Variants in CHCHD3 observed in about 807,000 individuals in gnomAD.
CHCHD3 encodes MICOS complex subunit MIC19.
In CHCHD3, 20 loss-of-function variants were observed where a neutral mutation model predicts 38.2. The ratio of observed to expected loss-of-function variants is 0.52; its 90% confidence interval spans 0.37 to 0.76. The LOEUF is 0.76. Among genes scored for constraint, CHCHD3 ranks in the 30% least tolerant of loss-of-function variants. The pLI is 0.00. For synonymous variants in CHCHD3, 82 were observed against 100.0 expected (o/e 0.82, Z 1.07); for missense variants, 245 against 279.2 (o/e 0.88, Z 0.87).
intron 6 of CHCHD3, among the ~76,000 whole-genome samples, chr7:132,836,639 T>C (rs1807789607): frequency 6.6e-6 from 1 of 151,958 alleles, no homozygotes. Context: ...ACTGGCTAAT[T>C]TTTAAGTTGT....
intron 3 of CHCHD3, among the ~76,000 whole-genome samples, chr7:133,017,461 G>A (rs1450451148): frequency 6.6e-6 from 1 of 152,178 alleles, no homozygotes; most frequent in Non-Finnish European, 1.5e-5. Flanking sequence ...AAGTAATGGA[G>A]ACACTTCGAC....
chr7:132,909,368 G>C (rs1809883952), intron 4 of CHCHD3, among the ~76,000 whole-genome samples: 1 of 152,108 alleles, frequency 6.6e-6, no homozygotes, highest in Non-Finnish European at 1.5e-5. Flanking sequence ...GTGCGCATCT[G>C]TCGTCCCAGC....
intron 2 of CHCHD3, among the ~76,000 whole-genome samples, chr7:133,064,670 G>A (rs1048806717): frequency 6.6e-6 from 1 of 152,208 alleles, no homozygotes; most frequent in Admixed American, 6.5e-5. Context: ...TGTTAAGGCT[G>A]CCAAATACTT....
At chr7:132,955,657 C>T (rs1008715987) in intron 4 of CHCHD3, among the ~76,000 whole-genome samples, 9 of 151,712 alleles carry the variant, frequency 5.9e-5, no homozygotes, top group South Asian at 4.2e-4. Flanking sequence ...CTTGTTAAGA[C>T]GGCAGAGCAG....
chr7:133,045,803 T>C (rs952917893), intron 2 of CHCHD3, among the ~76,000 whole-genome samples: 1 of 152,102 alleles, frequency 6.6e-6, no homozygotes, highest in African/African-American at 2.4e-5. Context: ...GCAATTCTTA[T>C]AGTGAGTTCT....
chr7:132,949,752 C>T (rs10278995), intron 4 of CHCHD3, among the ~76,000 whole-genome samples: 9,990 of 152,040 alleles, frequency 0.066, 831 homozygotes, highest in African/African-American at 0.2. Flanking sequence ...TTATTTGCTT[C>T]CTAATCACCA....
At chr7:132,920,653 G>A (rs1810237649) in intron 4 of CHCHD3, among the ~76,000 whole-genome samples, 1 of 152,170 alleles carries the variant, frequency 6.6e-6, no homozygotes, top group African/African-American at 2.4e-5. Context: ...ATGCTTTTGT[G>A]TGTTTTAGAA....
intron 5 of CHCHD3, among the ~76,000 whole-genome samples, chr7:132,843,370 C>G (rs1320589629): frequency 6.6e-6 from 1 of 152,126 alleles, no homozygotes; most frequent in Non-Finnish European, 1.5e-5. Context: ...AATACACACA[C>G]TAAATTTGTA....
At chr7:132,979,447 G>A (rs1315128907) in intron 3 of CHCHD3, among the ~76,000 whole-genome samples, 1 of 152,190 alleles carries the variant, frequency 6.6e-6, no homozygotes, top group Non-Finnish European at 1.5e-5. Flanking sequence ...ACTTTCATGA[G>A]CCATGATTAC....
chr7:133,035,122 C>A lies in CHCHD3; in HGVS notation c.170-10495G>T. The A allele has an allele frequency of 6.2e-7, 1 of 1,613,706 alleles. No individual in the cohort carries two copies. Among genetic ancestry groups the A allele is most frequent in the Non-Finnish European group, 8.5e-7 (1 of 1,179,710 alleles). On this transcript the variant is annotated intron_variant, in intron 2 of 7. Transcript: ENST00000262570. The surrounding 1 kb of genome is among the most constrained non-coding windows in gnomAD (Gnocchi z 4.7). ...TTGGGCTCAGCAGCCAGCGCCTGCT[C>A]ACATTCATCCATCTCCTCCTCAGGA... is the stretch of plus-strand genomic sequence containing the variant.
chr7:132,790,636 C>A (rs1158281243), intron 7 of CHCHD3, among the ~76,000 whole-genome samples: 1 of 152,174 alleles, frequency 6.6e-6, no homozygotes, highest in Admixed American at 6.5e-5. Flanking sequence ...TGTCATCAAG[C>A]GATAATGATA....
intron 3 of CHCHD3, among the ~76,000 whole-genome samples, chr7:133,018,986 C>T (rs942718686): frequency 9.7e-5 from 14 of 144,824 alleles, no homozygotes; most frequent in South Asian, 2.1e-4. Flanking sequence ...CGGGTTCAAG[C>T]GATTCTCGTG....
chr7:132,815,581 G>A (rs923687099), intron 6 of CHCHD3: 1 of 456,280 alleles, frequency 2.2e-6, no homozygotes, highest in Non-Finnish European at 4.4e-6. Context: ...TGGGACAAGA[G>A]GTAACAAAAT....
chr7:132,924,936 A>G (rs1810340264), intron 4 of CHCHD3, among the ~76,000 whole-genome samples: 1 of 152,176 alleles, frequency 6.6e-6, no homozygotes, highest in African/African-American at 2.4e-5. Flanking sequence ...AAGGTCCAGA[A>G]CTGAAAAGAA....
At chr7:133,012,094 C>T (rs1812892881) in intron 3 of CHCHD3, among the ~76,000 whole-genome samples, 1 of 152,166 alleles carries the variant, frequency 6.6e-6, no homozygotes, top group Non-Finnish European at 1.5e-5. Flanking sequence ...GCATTATCCA[C>T]ATTTTCAGTA....
chr7:132,894,865 G>C (rs571130842), intron 4 of CHCHD3, among the ~76,000 whole-genome samples: 2 of 152,170 alleles, frequency 1.3e-5, no homozygotes, highest in Non-Finnish European at 2.9e-5. Flanking sequence ...TCTGAATTAG[G>C]TGCTGCCAGC....
chr7:133,029,396 A>G (rs1331390863), intron 2 of CHCHD3, among the ~76,000 whole-genome samples: 3 of 152,020 alleles, frequency 2.0e-5, no homozygotes. Flanking sequence ...ACATCTCCCT[A>G]TTTCCCCATC....
chr7:132,948,476 G>A (rs1810953138), intron 4 of CHCHD3, among the ~76,000 whole-genome samples: 1 of 152,096 alleles, frequency 6.6e-6, no homozygotes, highest in African/African-American at 2.4e-5. Flanking sequence ...GCTTCCCAAG[G>A]AGATTCCTTT....
At chr7:132,882,894 A>G (rs1809102944) in intron 5 of CHCHD3, among the ~76,000 whole-genome samples, 1 of 152,062 alleles carries the variant, frequency 6.6e-6, no homozygotes, top group Admixed American at 6.6e-5. Flanking sequence ...CCCAAATCTC[A>G]TCTTGAATTG....
Sources: gnomAD v4.1 joint callset for allele counts (sites outside exome capture counted in the v4.1 genomes callset) on GRCh38, gnomAD v4.1.1 for gene constraint, Gnocchi (gnomAD v3.1) non-coding constraint, MANE v1.5 for transcripts, NCBI Gene and HGNC (gene_info 2026-07-23, HGNC 2026-07-21) for gene names.